The following FYB1 variants were observed in gnomAD, a reference collection of about 807,000 sequenced individuals.
FYB1 encodes the protein FYN-binding protein 1.
Under a neutral mutation model 94.1 loss-of-function variants are expected in FYB1, and 41 were observed. That is an observed-to-expected ratio of 0.44 (90% CI 0.34 to 0.57). The LOEUF (loss-of-function observed/expected upper bound fraction) is 0.57. Ranked by LOEUF, FYB1 falls within the 20% of genes least tolerant of loss-of-function variation. The pLI, the probability that FYB1 is intolerant of heterozygous loss-of-function variation, is 0.02. For missense variants in FYB1, 1,050 were observed against 976.8 expected, an observed-to-expected ratio of 1.07 and a Z score of -1.00; for synonymous variants, 367 against 353.2, an observed-to-expected ratio of 1.04 and a Z score of -0.44.
At chr5:39,118,753 A>G in intron 16 of FYB1, 121 bp downstream of exon 16, 1 of 564,694 alleles carries the variant, frequency 1.8e-6, no homozygotes. Flanking sequence ...CAATTTACAA[A>G]GGATAGGGCA....
chr5:39,224,270 A>T (rs1337318722), upstream of FYB1, among the ~76,000 whole-genome samples: 1 of 152,176 alleles, frequency 6.6e-6, no homozygotes, highest in Admixed American at 6.5e-5. Context: ...TGTGTTTGAA[A>T]GTGAAATGAT....
At chr5:39,223,030 T>A (rs1256754371), upstream of FYB1, among the ~76,000 whole-genome samples, 1 of 151,914 alleles carries the variant, frequency 6.6e-6, no homozygotes, top group East Asian at 1.9e-4. Flanking sequence ...AGGTGATGGG[T>A]TGATAAGTAC....
chr5:39,199,342 C>T (rs2150486939), intron 2 of FYB1, among the ~76,000 whole-genome samples: 1 of 152,116 alleles, frequency 6.6e-6, no homozygotes, highest in Admixed American at 6.6e-5. Flanking sequence ...AGAAAAATAG[C>T]AGTGGCAGGA....
chr5:39,150,710 C>A (rs548916551), intron 3 of FYB1, among the ~76,000 whole-genome samples: 170 of 152,276 alleles, frequency 1.1e-3, no homozygotes, highest in African/African-American at 3.9e-3. Context: ...AATCCAAATT[C>A]TTTTGTCTCT....
intron 1 of FYB1, chr5:39,269,696 A>G (rs1260050603): frequency 2.0e-5 from 3 of 152,260 alleles, no homozygotes; most frequent in Non-Finnish European, 2.9e-5. Flanking sequence ...GCAATGCACA[A>G]TCTCCAATTG....
intron 2 of FYB1, among the ~76,000 whole-genome samples, chr5:39,183,942 G>T (rs558113711): frequency 1.2e-4 from 18 of 152,250 alleles, no homozygotes; most frequent in African/African-American, 4.1e-4. Context: ...GCCACATTGG[G>T]AGAAACACTG....
chr5:39,250,331 G>C (rs866206810), intron 1 of FYB1, among the ~76,000 whole-genome samples: 1 of 152,156 alleles, frequency 6.6e-6, no homozygotes, highest in South Asian at 2.1e-4. Context: ...TGATTCAAAG[G>C]ATACTGAAAA....
Position 39,192,031 on chromosome 5 carries a change from C to A in FYB1, c.1135+9795G>T, listed in dbSNP as rs760140381. Among the ~76,000 whole-genome samples the A allele has an allele frequency of 5.8e-4, 88 of 152,298 alleles. 1 individual carries two copies. The highest frequency in any genetic ancestry group is 3.4e-3 in the Middle Eastern group (1 of 294). ...AAGGCAAAGAAGAAGCCTTTAATGG[C>A]AAAAGCGTATTTATCATCTAATCAT... On this transcript the variant is annotated intron_variant, in intron 2 of 18. Coordinates refer to ENST00000512982, the MANE Select transcript of FYB1 (RefSeq NM_001465.6).
chr5:39,189,235 C>CTT (rs199894461), intron 2 of FYB1, among the ~76,000 whole-genome samples: 11,390 of 136,908 alleles, frequency 0.083, 857 homozygotes, highest in East Asian at 0.26. Context: ...TATGGAATTC[C>CTT]TTTTTTTTTT....
Position 39,268,628 on chromosome 5 carries a change from G to A in FYB1, c.-28+5775C>T, listed in dbSNP as rs189791880. Reference sequence around the variant, plus strand: ...GTTGCCCAGGCTGGAGTGCAATGGCGCGATCTCGGCCCACTGCAACCTCCG... The same window carrying A: ...GTTGCCCAGGCTGGAGTGCAATGGCACGATCTCGGCCCACTGCAACCTCCG... On this transcript the variant is annotated intron_variant, in intron 1 of 1. Transcript: ENST00000510188. Among the ~76,000 whole-genome samples the A allele has an allele frequency of 8.4e-3, 1,279 of 151,970 alleles. 13 individuals are homozygous for A. The highest frequency in any genetic ancestry group is 0.028 in the African/African-American group (1,168 of 41,428).
intron 1 of FYB1, among the ~76,000 whole-genome samples, chr5:39,218,985 C>T (rs963550119): frequency 6.6e-6 from 1 of 152,128 alleles, no homozygotes; most frequent in Non-Finnish European, 1.5e-5. Flanking sequence ...CATGTGAATC[C>T]TCACCTCCTG....
intron 3 of FYB1, among the ~76,000 whole-genome samples, chr5:39,141,454 A>C (rs1742177681): frequency 6.6e-6 from 1 of 152,170 alleles, no homozygotes; most frequent in Non-Finnish European, 1.5e-5. Flanking sequence ...TTCTGGGATT[A>C]TGAGGGCATT....
chr5:39,231,753 C>CTTTTTTTTTTTTTTT (rs1561294595), intron 1 of FYB1, among the ~76,000 whole-genome samples: 2 of 152,104 alleles, frequency 1.3e-5, no homozygotes, highest in African/African-American at 4.8e-5. Flanking sequence ...AGAGCTATTT[C>CTTTTTTTTTTTTTTT]TCTTTCACAG....
intron 1 of FYB1, among the ~76,000 whole-genome samples, chr5:39,262,357 A>G (rs155449): frequency 0.39 from 59,333 of 152,076 alleles, 12,100 homozygotes; most frequent in Non-Finnish European, 0.46. Context: ...TTTACAGAAG[A>G]GTTTATTGGA....
At chr5:39,169,438 C>A in intron 2 of FYB1, 1 of 735,460 alleles carries the variant, frequency 1.4e-6, no homozygotes, top group Non-Finnish European at 2.6e-6. Flanking sequence ...AGAACAGGAA[C>A]ATTTCACAGA....
In FYB1 at chr5:39,106,958, G is replaced by C. The variant is rs888433051; in HGVS notation, c.*485C>G. 1.3e-5 allele frequency: 2 copies of C among 152,048 alleles called. No homozygotes were observed. Among genetic ancestry groups the C allele is most frequent in the Non-Finnish European group, 2.9e-5 (2 of 67,958 alleles). The allele number at this position is 152,048 out of a possible 1,614,324, so 9.4% of individuals were successfully genotyped here. A position where few individuals can be genotyped will look rare whatever the true frequency, so the allele number is the denominator to read the frequency against. ...GACAGCACTGCCTTTTTAAAAGACA[G>C]GTCACTTGAATAGAGAATATAAGAT... On this transcript the variant is annotated 3_prime_UTR_variant, in exon 19 of 19. Transcript: ENST00000512982.
chr5:39,211,320 TTC>T (rs1224072126), intron 1 of FYB1, among the ~76,000 whole-genome samples: 1 of 87,078 alleles, frequency 1.1e-5, no homozygotes. Flanking sequence ...TTCTTTTCTT[TTC>T]TTTTTTTTTT....
At chr5:39,248,012 TAAG>T in intron 1 of FYB1, among the ~76,000 whole-genome samples, 2 of 152,240 alleles carry the variant, frequency 1.3e-5, no homozygotes, top group South Asian at 4.2e-4. Context: ...TCAAGTGTAA[TAAG>T]AAGAAAGTTA....
intron 2 of FYB1, among the ~76,000 whole-genome samples, chr5:39,193,940 G>A (rs979139223): frequency 6.6e-5 from 10 of 152,336 alleles, no homozygotes; most frequent in African/African-American, 2.4e-4. Context: ...CACTGGATTA[G>A]AACTTGCAGA....
Sources: gnomAD v4.1 joint callset for allele counts (sites outside exome capture counted in the v4.1 genomes callset) on GRCh38, gnomAD v4.1.1 for gene constraint, MANE v1.5 for transcripts, NCBI Gene and HGNC (gene_info 2026-07-23, HGNC 2026-07-21) for gene names.